Variants in RABGAP1L observed in about 807,000 individuals in gnomAD.
RABGAP1L encodes the protein rab GTPase-activating protein 1-like.
A neutral mutation model predicts 137.7 loss-of-function variants in RABGAP1L; 63 were observed. The observed-to-expected ratio is 0.46, with a 90% CI of 0.37 to 0.56. The LOEUF is 0.56. Among genes scored for constraint, RABGAP1L ranks in the 20% least tolerant of loss-of-function variants. The pLI, the probability that RABGAP1L is intolerant of heterozygous loss-of-function variation, is 0.00. For missense variants in RABGAP1L, 1,095 were observed against 1,244.0 expected, an observed-to-expected ratio of 0.88 and a Z score of 1.80; for synonymous variants, 431 against 433.7, an observed-to-expected ratio of 0.99 and a Z score of 0.08.
At chr1:174,232,660 G>A (rs1670772996) in intron 4 of RABGAP1L, among the ~76,000 whole-genome samples, 1 of 151,408 alleles carries the variant, frequency 6.6e-6, no homozygotes, top group African/African-American at 2.4e-5. Context: ...GCGGGCGCCT[G>A]TAGTCCCAGC....
intron 19 of RABGAP1L, among the ~76,000 whole-genome samples, chr1:174,813,959 T>G (rs938935360): frequency 6.6e-6 from 1 of 152,112 alleles, no homozygotes; most frequent in African/African-American, 2.4e-5. Flanking sequence ...AGGTGAAAAG[T>G]TAAAGGTTTT....
chr1:174,430,506 C>T (rs553945991), intron 13 of RABGAP1L, among the ~76,000 whole-genome samples: 1 of 152,264 alleles, frequency 6.6e-6, no homozygotes, highest in East Asian at 1.9e-4. Context: ...TAATTGAACG[C>T]TAATTGCATG....
chr1:174,854,136 C>T (rs1648855691), intron 19 of RABGAP1L, among the ~76,000 whole-genome samples: 1 of 152,162 alleles, frequency 6.6e-6, no homozygotes, highest in South Asian at 2.1e-4. Context: ...TAATTTGGGC[C>T]TCTGCAGCTT....
At chr1:174,178,336 C>G (rs75718117) in intron 1 of RABGAP1L, among the ~76,000 whole-genome samples, 13,592 of 152,042 alleles carry the variant, frequency 0.089, 810 homozygotes, top group East Asian at 0.22. Flanking sequence ...GAGACTTTGC[C>G]GAAGTTGCTT....
intron 17 of RABGAP1L, among the ~76,000 whole-genome samples, chr1:174,717,722 T>C (rs1681140566): frequency 6.6e-6 from 1 of 152,194 alleles, no homozygotes; most frequent in African/African-American, 2.4e-5. Context: ...TACATTTTTT[T>C]CCAAAATCAG....
rs540528002 is a variant in RABGAP1L at position 174,686,419 on chromosome 1, T to C, written c.1899+2823T>C. On this transcript the variant is annotated intron_variant, in intron 15 of 25. Transcript: ENST00000681986. ...TTTTGGGACTTCCTGTGATGACCAGTTACTTTATAGTCACAAATTCTCAGG... is the reference window on the plus strand; with the variant it reads ...TTTTGGGACTTCCTGTGATGACCAGCTACTTTATAGTCACAAATTCTCAGG... 3.9e-5 allele frequency among the ~76,000 whole-genome samples: 6 copies of C among 152,230 alleles called. No homozygotes were observed. The East Asian group carries it at 9.7e-4, about 25-fold the overall frequency.
intron 13 of RABGAP1L, among the ~76,000 whole-genome samples, chr1:174,400,116 A>C (rs1240829938): frequency 6.6e-6 from 1 of 152,204 alleles, no homozygotes; most frequent in Non-Finnish European, 1.5e-5. Flanking sequence ...GGAGCCTACA[A>C]ATATGCTTTG....
At chr1:174,702,911 C>T (rs1023633680) in intron 17 of RABGAP1L, among the ~76,000 whole-genome samples, 2 of 151,866 alleles carry the variant, frequency 1.3e-5, no homozygotes, top group African/African-American at 4.8e-5. Flanking sequence ...TATTGGTCAT[C>T]AAAATGTTTG....
At chr1:174,533,089 C>A (rs187377368) in intron 13 of RABGAP1L, among the ~76,000 whole-genome samples, 1 of 152,232 alleles carries the variant, frequency 6.6e-6, no homozygotes, top group East Asian at 1.9e-4. Context: ...AAAAAATTAG[C>A]CAGGCGTGGT....
In RABGAP1L at chr1:174,455,477, T is replaced by C. The variant is rs185394438; in HGVS notation, c.1710+61332T>C. Among the ~76,000 whole-genome samples, 580 of 152,242 alleles carry C rather than the reference T, an allele frequency of 3.8e-3. 4 individuals carry two copies. Among genetic ancestry groups the C allele is most frequent in the African/African-American group, 0.012 (500 of 41,574 alleles). ...TTGTATGACCTGTTCTTTAAATTTT[T>C]AAATTTATTTTTGAATAAAATGTGG... On this transcript the variant is annotated intron_variant, in intron 13 of 25. Coordinates refer to ENST00000681986, the MANE Select transcript of RABGAP1L (RefSeq NM_001366446.1).
At chr1:174,438,524 C>A (rs192532029) in intron 13 of RABGAP1L, among the ~76,000 whole-genome samples, 1 of 151,608 alleles carries the variant, frequency 6.6e-6, no homozygotes, top group African/African-American at 2.4e-5. Context: ...TTGAGGCCAG[C>A]CTGGTCAACA....
At chr1:174,182,198 A>G (rs1276247466) in intron 1 of RABGAP1L, among the ~76,000 whole-genome samples, 2 of 152,210 alleles carry the variant, frequency 1.3e-5, no homozygotes, top group Non-Finnish European at 2.9e-5. Context: ...TTAGCTGTGT[A>G]GTTTCAGGGC....
At chr1:174,921,299 T>C (rs887639805) in intron 19 of RABGAP1L, among the ~76,000 whole-genome samples, 1 of 152,206 alleles carries the variant, frequency 6.6e-6, no homozygotes, top group Non-Finnish European at 1.5e-5. Context: ...TGTGCATACC[T>C]GGGTTTTGTT....
intron 13 of RABGAP1L, among the ~76,000 whole-genome samples, chr1:174,436,803 T>C (rs1468404595): frequency 2.0e-5 from 3 of 152,260 alleles, no homozygotes; most frequent in African/African-American, 7.2e-5. Flanking sequence ...AGTAGCCTAA[T>C]TGGGAGGCAA....
intron 19 of RABGAP1L, among the ~76,000 whole-genome samples, chr1:174,925,470 G>A (rs1662621920): frequency 6.6e-6 from 1 of 151,836 alleles, no homozygotes; most frequent in Non-Finnish European, 1.5e-5. Context: ...GGAGGCTAGA[G>A]CATGATGAGA....
chr1:174,830,374 C>T lies in RABGAP1L; in HGVS notation c.2340+18414C>T, dbSNP rs566215991. On this transcript the variant is annotated intron_variant, in intron 19 of 25. Coordinates refer to ENST00000681986, the MANE Select transcript of RABGAP1L (RefSeq NM_001366446.1). ...CCATTCAATAAAATTTGCTTTTACT[C>T]GTTAATACTTTTTGTTTAATTTAAT... Among the ~76,000 whole-genome samples the T allele has an allele frequency of 1.8e-4, 27 of 147,138 alleles. 6 individuals carry two copies. The highest frequency in any genetic ancestry group is 3.8e-4 in the Non-Finnish European group (25 of 66,370).
chr1:174,166,441 G>T (rs946075260), intron 1 of RABGAP1L, among the ~76,000 whole-genome samples: 38 of 152,182 alleles, frequency 2.5e-4, no homozygotes, highest in African/African-American at 8.2e-4. Flanking sequence ...ATTTAGGGCA[G>T]CAAAGCAGGG....
chr1:174,406,425 T>G (rs1455060128), intron 13 of RABGAP1L, among the ~76,000 whole-genome samples: 1 of 152,184 alleles, frequency 6.6e-6, no homozygotes, highest in East Asian at 1.9e-4. Context: ...ATTATGGAAT[T>G]AGAGTAGGAG....
intron 13 of RABGAP1L, chr1:174,449,263 G>T: frequency 7.5e-7 from 1 of 1,332,546 alleles, no homozygotes; most frequent in Non-Finnish European, 1.0e-6. Flanking sequence ...AGATTCATCT[G>T]GAAATTTGCC....
Sources: allele counts gnomAD v4.1 joint callset (sites outside exome capture counted in the v4.1 genomes callset), GRCh38; gene constraint gnomAD v4.1.1; transcripts MANE v1.5; gene names NCBI Gene and HGNC (gene_info 2026-07-23, HGNC 2026-07-21).